The following FGFBP3 variants were observed in gnomAD, a reference collection of about 807,000 sequenced individuals.
FGFBP3 encodes fibroblast growth factor-binding protein 3.
FGFBP3 carries 4 observed loss-of-function variants against 4.8 expected under a neutral mutation model. The observed-to-expected ratio is 0.83, with a 90% CI of 0.41 to 1.90. The LOEUF is 1.90. FGFBP3 is among the 40% of genes most tolerant of loss of function. The pLI is 0.03. For missense variants in FGFBP3, 429 were observed against 397.4 expected (o/e 1.08, Z -0.68); for synonymous variants, 215 against 190.0 (o/e 1.13, Z -1.08).
chr10:91,908,424 G>A lies in FGFBP3; in HGVS notation c.546C>T (p.Gly182=). 1 of 1,511,510 alleles carries A rather than the reference G, an allele frequency of 6.6e-7. No individual in the cohort carries two copies. The highest frequency in any genetic ancestry group is 8.8e-7 in the Non-Finnish European group (1 of 1,136,706). 93.6% of individuals were successfully genotyped at this position (1,511,510 alleles called of 1,614,324 possible). A position where few individuals can be genotyped will look rare whatever the true frequency, so the allele number is the denominator to read the frequency against. The change falls in exon 2 of 2, where the codon GGC becomes GGT. Residue 182 remains glycine (G), a synonymous_variant. Transcript: ENST00000311575. ...GGGGAGGCGGGGTCCCAGCGGCTGG[G>A]CCGGACGCACGCTCCCGGGTCCGCC... The part of the protein sequence containing the change: ...NRGRTRERAS[G]PAAGTPPPQS...
chr10:91,908,140 C>T lies in FGFBP3; in HGVS notation c.*53G>A. 1.3e-6 allele frequency: 2 copies of T among 1,571,656 alleles called. No homozygotes were observed. Among genetic ancestry groups the T allele is most frequent in the Non-Finnish European group, 1.7e-6 (2 of 1,164,408 alleles). On this transcript the variant is annotated 3_prime_UTR_variant, in exon 2 of 2. Coordinates refer to ENST00000311575, the MANE Select transcript of FGFBP3 (RefSeq NM_152429.5). Reference sequence around the variant, plus strand: ...ACCCCCCGGTCTAAGACGCCCTTAGCTTTCCCTTCCCCACGCCTCCCCCAT... The same window carrying T: ...ACCCCCCGGTCTAAGACGCCCTTAGTTTTCCCTTCCCCACGCCTCCCCCAT...
intron 1 of FGFBP3, 98 bp downstream of exon 1, chr10:91,909,300 C>A: frequency 2.9e-6 from 1 of 347,028 alleles, no homozygotes; most frequent in African/African-American, 2.2e-5. Flanking sequence ...TCTACCCCTT[C>A]CTTCATTTTC....
chr10:91,909,125 T>A, intron 1 of FGFBP3, 78 bp from the exon 2 acceptor site: 1 of 774,844 alleles, frequency 1.3e-6, no homozygotes, highest in Non-Finnish European at 1.9e-6. Flanking sequence ...TGCGAACTAC[T>A]CTTCCGCAGA....
Position 91,908,762 on chromosome 10 carries a change from C to T in FGFBP3, c.208G>A (p.Ala70Thr), listed in dbSNP as rs1471674461. 1 of 1,394,340 alleles carries T rather than the reference C, an allele frequency of 7.2e-7. No individual in the cohort carries two copies. The highest frequency in any genetic ancestry group is 9.2e-7 in the Non-Finnish European group (1 of 1,086,152). 86.4% of individuals were successfully genotyped at this position (1,394,340 alleles called of 1,614,324 possible). Residue 70 changes from alanine to threonine, a missense_variant, in exon 2 of 2, where the codon GCC becomes ACC. Ala to Thr is a moderately conservative substitution (Grantham distance 58). Coordinates refer to ENST00000311575, the MANE Select transcript of FGFBP3 (RefSeq NM_152429.5). ...AGCGCCAGCTCGCTGCCCGCTGCGG[C>T]CTCCGGGGCGGGCAGCAGGAGCTGC... ...SWQLLLPAPEAAAGSELALRC... is the reference protein window; with the variant it reads ...SWQLLLPAPETAAGSELALRC...
In FGFBP3 at chr10:91,908,850, G is replaced by C. The variant is rs1413270473; in HGVS notation, c.120C>G (p.Val40=). 2.6e-6 allele frequency: 4 copies of C among 1,550,076 alleles called. No homozygotes were observed. In the South Asian group the frequency reaches 4.7e-5, roughly 18 times the overall value. ...CCGAGGAGCCGCCAGTGGGCCCGGGGACCGGCTCCGCCACGTTGCTAGCCG... is the reference window on the plus strand; with the variant it reads ...CCGAGGAGCCGCCAGTGGGCCCGGGCACCGGCTCCGCCACGTTGCTAGCCG... The part of the protein sequence containing the change: ...KGAASNVAEP[V]PGPTGGSSGR... The change falls in exon 2 of 2, where the codon GTC becomes GTG. Residue 40 remains valine (V), a synonymous_variant. Transcript: ENST00000311575.
In FGFBP3 at chr10:91,908,080, G is replaced by T; in HGVS notation, c.*113C>A. ...CTTACCCTTGCCCCCACCCCCATTC[G>T]AGAACCTGGACTTCTCCCCAATCTC... On this transcript the variant is annotated 3_prime_UTR_variant, in exon 2 of 2. Transcript: ENST00000311575. 3 of 1,143,264 alleles carry T rather than the reference G, an allele frequency of 2.6e-6. No individual in the cohort carries two copies. The highest frequency in any genetic ancestry group is 2.0e-5 in the South Asian group (1 of 50,000). 70.8% of individuals were successfully genotyped at this position (1,143,264 alleles called of 1,614,324 possible).
In FGFBP3 at chr10:91,908,271, G is replaced by C. The variant is rs1206882843; in HGVS notation, c.699C>G (p.Asn233Lys). 1.2e-6 allele frequency: 2 copies of C among 1,604,866 alleles called. No individual in the cohort carries two copies. The highest frequency in any genetic ancestry group is 1.1e-5 in the South Asian group (1 of 89,640). ...TGPDPDGLDG[N>K]AELTETYCAE... ...CGCAGTAGGTCTCCGTGAGCTCCGC[G>C]TTCCCGTCCAGCCCGTCGGGGTCGG... The change falls in exon 2 of 2, where the codon AAC (asparagine) becomes AAG (lysine). Residue 233 changes from asparagine (N) to lysine (K), a missense_variant. Transcript: ENST00000311575.
rs1283099810 is a variant in FGFBP3 at position 91,908,870 on chromosome 10, T to C, written c.100A>G (p.Ser34Gly). The change falls in exon 2 of 2, where the codon AGC (serine) becomes GGC (glycine). Residue 34 changes from serine to glycine, a missense_variant. Coordinates refer to ENST00000311575, the MANE Select transcript of FGFBP3 (RefSeq NM_152429.5). ...CCGGGGACCGGCTCCGCCACGTTGCTAGCCGCCCCTTTCTCCCTCCGAGCA... is the reference window on the plus strand; with the variant it reads ...CCGGGGACCGGCTCCGCCACGTTGCCAGCCGCCCCTTTCTCCCTCCGAGCA... The part of the protein sequence containing the change: ...AAARREKGAA[S>G]NVAEPVPGPT... The C allele has an allele frequency of 3.2e-6, 5 of 1,576,372 alleles. No homozygotes were observed. Among genetic ancestry groups the C allele is most frequent in the Non-Finnish European group, 8.6e-7 (1 of 1,167,400 alleles).
Position 91,908,483 on chromosome 10 carries a change from C to A in FGFBP3, c.487G>T (p.Ala163Ser). ...PPARPTVAGF[A>S]GESKPRARNR... is the part of the protein sequence containing the mutation. ...CGGGCCCGGGGCTTGGACTCCCCCG[C>A]GAATCCCGCGACGGTGGGGCGTGCG... The change falls in exon 2 of 2, where the codon GCG (alanine) becomes TCG (serine). Residue 163 changes from alanine (A) to serine (S), a missense_variant. By Grantham distance (99) the Ala-to-Ser change is moderately conservative. Coordinates refer to ENST00000311575, the MANE Select transcript of FGFBP3 (RefSeq NM_152429.5). The A allele has an allele frequency of 7.2e-7, 1 of 1,398,350 alleles. No individual in the cohort carries two copies. Among genetic ancestry groups the A allele is most frequent in the African/African-American group, 1.5e-5 (1 of 66,008 alleles). 86.6% of individuals were successfully genotyped at this position (1,398,350 alleles called of 1,614,324 possible).
rs1457200773 is a variant in FGFBP3 at position 91,908,834 on chromosome 10, C to T, written c.136G>A (p.Gly46Ser). ...GGGCTGAGGAAGCGACCCGAGGAGC[C>T]GCCAGTGGGCCCGGGGACCGGCTCC... ...VAEPVPGPTG[G>S]SSGRFLSPEQ... Residue 46 changes from glycine to serine, a missense_variant, in exon 2 of 2, where the codon GGC becomes AGC. Gly to Ser is a moderately conservative substitution (Grantham distance 56). Transcript: ENST00000311575. 9 of 1,535,462 alleles carry T rather than the reference C, an allele frequency of 5.9e-6. 1 individual carries two copies. The Admixed American group carries it at 1.2e-4, about 20-fold the overall frequency.
In FGFBP3 at chr10:91,908,706, G is replaced by C. The variant is rs1264543113; in HGVS notation, c.264C>G (p.His88Gln). 11 of 1,394,836 alleles carry C rather than the reference G, an allele frequency of 7.9e-6. No homozygotes were observed. The highest frequency in any genetic ancestry group is 1.0e-5 in the Non-Finnish European group (11 of 1,081,416). 86.4% of individuals were successfully genotyped at this position (1,394,836 alleles called of 1,614,324 possible). A position where few individuals can be genotyped will look rare whatever the true frequency, so the allele number is the denominator to read the frequency against. ...CCGGATGCCCGCGGTAGGCGCACTG[G>C]TGGCGCGCCCCGTCCGGGCTCTGGC... ...LRCQSPDGARHQCAYRGHPER... is the reference protein window; with the variant it reads ...LRCQSPDGARQQCAYRGHPER... The change falls in exon 2 of 2, where the codon CAC (histidine) becomes CAG (glutamine). Residue 88 changes from histidine to glutamine, a missense_variant. By Grantham distance (24) the His-to-Gln change is conservative. Coordinates refer to ENST00000311575, the MANE Select transcript of FGFBP3 (RefSeq NM_152429.5).
In FGFBP3 at chr10:91,907,958, G is replaced by T; in HGVS notation, c.*235C>A. On this transcript the variant is annotated 3_prime_UTR_variant, in exon 2 of 2. Transcript: ENST00000311575. ...TATTTCTGTTTCCATTATTTTTCCT[G>T]CTCTTAATCAGGACTGAGACTTTTC... The T allele has an allele frequency of 2.1e-6, 1 of 484,748 alleles. No homozygotes were observed. The highest frequency in any genetic ancestry group is 3.6e-6 in the Non-Finnish European group (1 of 281,348). 30.0% of individuals were successfully genotyped at this position (484,748 alleles called of 1,614,324 possible).
At position 91,908,873 on chromosome 10, in the gene FGFBP3, C is replaced by G. The variant is rs868142450; in HGVS notation, c.97G>C (p.Ala33Pro). The change falls in exon 2 of 2, where the codon GCT becomes CCT. Residue 33 changes from alanine (A) to proline (P), a missense_variant. Transcript: ENST00000311575. Reference sequence around the variant, plus strand: ...GGGACCGGCTCCGCCACGTTGCTAGCCGCCCCTTTCTCCCTCCGAGCAGCC... The same window carrying G: ...GGGACCGGCTCCGCCACGTTGCTAGGCGCCCCTTTCTCCCTCCGAGCAGCC... ...LAAARREKGA[A>P]SNVAEPVPGP... 6.3e-7 allele frequency: 1 copy of G among 1,579,968 alleles called. No homozygotes were observed. The highest frequency in any genetic ancestry group is 8.6e-7 in the Non-Finnish European group (1 of 1,168,876).
chr10:91,908,415 A>G lies in FGFBP3; in HGVS notation c.555T>C (p.Ala185=), dbSNP rs1164957100. ...RTRERASGPA[A]GTPPPQSAPP... ...GTGCGCTTTGGGGAGGCGGGGTCCC[A>G]GCGGCTGGGCCGGACGCACGCTCCC... The change falls in exon 2 of 2, where the codon GCT becomes GCC. Residue 185 remains alanine, a synonymous_variant. Transcript: ENST00000311575. 6.6e-7 allele frequency: 1 copy of G among 1,524,344 alleles called. No homozygotes were observed. The highest frequency in any genetic ancestry group is 1.3e-5 in the South Asian group (1 of 79,672). 94.4% of individuals were successfully genotyped at this position (1,524,344 alleles called of 1,614,324 possible).
chr10:91,908,782 A>G lies in FGFBP3; in HGVS notation c.188T>C (p.Leu63Pro). 2 of 1,423,426 alleles carry G rather than the reference A, an allele frequency of 1.4e-6. No individual in the cohort carries two copies. Among genetic ancestry groups the G allele is most frequent in the Non-Finnish European group, 1.8e-6 (2 of 1,099,704 alleles). The allele number at this position is 1,423,426 out of a possible 1,614,324, so 88.2% of individuals were successfully genotyped here. A position where few individuals can be genotyped will look rare whatever the true frequency, so the allele number is the denominator to read the frequency against. Residue 63 changes from leucine (L) to proline (P), a missense_variant, in exon 2 of 2, where the codon CTC (leucine) becomes CCC (proline). By Grantham distance (98) the Leu-to-Pro change is moderately conservative. Coordinates refer to ENST00000311575, the MANE Select transcript of FGFBP3 (RefSeq NM_152429.5). Reference protein sequence around the residue: ...SPEQHACSWQLLLPAPEAAAG... With the variant: ...SPEQHACSWQPLLPAPEAAAG... ...TGCGGCCTCCGGGGCGGGCAGCAGG[A>G]GCTGCCAGCTGCACGCGTGCTGCTC...
chr10:91,908,118 C>A lies in FGFBP3; in HGVS notation c.*75G>T, dbSNP rs1417894453. ...TCTCCCCAATCTCTATCACAGTACC[C>A]CCCGGTCTAAGACGCCCTTAGCTTT... On this transcript the variant is annotated 3_prime_UTR_variant, in exon 2 of 2. Transcript: ENST00000311575. 6.6e-7 allele frequency: 1 copy of A among 1,520,524 alleles called. No individual in the cohort carries two copies. Among genetic ancestry groups the A allele is most frequent in the East Asian group, 2.5e-5 (1 of 40,320 alleles). 94.2% of individuals were successfully genotyped at this position (1,520,524 alleles called of 1,614,324 possible). A position where few individuals can be genotyped will look rare whatever the true frequency, so the allele number is the denominator to read the frequency against.
At position 91,908,417 on chromosome 10, in the gene FGFBP3, C is replaced by CG. The variant is rs777552441; in HGVS notation, c.552dup (p.Ala185ArgfsTer59). 2.8e-5 allele frequency: 43 copies of CG among 1,517,970 alleles called. No homozygotes were observed. Among genetic ancestry groups the CG allele is most frequent in the Non-Finnish European group, 5.3e-6 (6 of 1,139,452 alleles). The allele number at this position is 1,517,970 out of a possible 1,614,324, so 94.0% of individuals were successfully genotyped here. A position where few individuals can be genotyped will look rare whatever the true frequency, so the allele number is the denominator to read the frequency against. ...GCGCTTTGGGGAGGCGGGGTCCCAGCGGCTGGGCCGGACGCACGCTCCCGG... is the reference window on the plus strand; with the variant it reads ...GCGCTTTGGGGAGGCGGGGTCCCAGCGGGCTGGGCCGGACGCACGCTCCCGG... On this transcript the variant is annotated frameshift_variant, in exon 2 of 2. Coordinates refer to ENST00000311575, the MANE Select transcript of FGFBP3 (RefSeq NM_152429.5). LOFTEE classifies it high-confidence loss of function.
chr10:91,908,841 G>A lies in FGFBP3; in HGVS notation c.129C>T (p.Pro43=), dbSNP rs1325077961. 2 of 1,541,030 alleles carry A rather than the reference G, an allele frequency of 1.3e-6. No homozygotes were observed. The highest frequency in any genetic ancestry group is 1.7e-6 in the Non-Finnish European group (2 of 1,150,756). ...ASNVAEPVPG[P]TGGSSGRFLS... ...GGAAGCGACCCGAGGAGCCGCCAGTGGGCCCGGGGACCGGCTCCGCCACGT... is the reference window on the plus strand; with the variant it reads ...GGAAGCGACCCGAGGAGCCGCCAGTAGGCCCGGGGACCGGCTCCGCCACGT... Residue 43 remains proline, a synonymous_variant, in exon 2 of 2, where the codon CCC becomes CCT. Coordinates refer to ENST00000311575, the MANE Select transcript of FGFBP3 (RefSeq NM_152429.5).
chr10:91,908,078 T>G lies in FGFBP3; in HGVS notation c.*115A>C. On this transcript the variant is annotated 3_prime_UTR_variant, in exon 2 of 2. Transcript: ENST00000311575. The stretch of plus-strand genomic sequence containing the variant: ...CCCTTACCCTTGCCCCCACCCCCAT[T>G]CGAGAACCTGGACTTCTCCCCAATC... The G allele has an allele frequency of 2.3e-5, 27 of 1,170,454 alleles. No homozygotes were observed. Among genetic ancestry groups the G allele is most frequent in the East Asian group, 1.9e-4 (6 of 31,640 alleles). The allele number at this position is 1,170,454 out of a possible 1,614,324, so 72.5% of individuals were successfully genotyped here. A position where few individuals can be genotyped will look rare whatever the true frequency, so the allele number is the denominator to read the frequency against.
Sources: allele counts gnomAD v4.1 joint callset, GRCh38; gene constraint gnomAD v4.1.1; transcripts MANE v1.5; gene names NCBI Gene and HGNC (gene_info 2026-07-23, HGNC 2026-07-21).